The following TRMT9B variants were observed in gnomAD, a reference collection of about 807,000 sequenced individuals.
TRMT9B encodes the protein tRNA methyltransferase 9B (putative), also known as probable tRNA methyltransferase 9B.
A neutral mutation model predicts 11.5 loss-of-function variants in TRMT9B; 16 were observed. The ratio of observed to expected loss-of-function variants is 1.39; its 90% confidence interval spans 0.94 to 2.11. The LOEUF is 2.11. Among genes scored for constraint, TRMT9B ranks in the 30% most tolerant of loss-of-function variants. TRMT9B has a pLI of 0.00. For synonymous variants in TRMT9B, 274 were observed against 192.4 expected, an observed-to-expected ratio of 1.42 and a Z score of -3.51; for missense variants, 941 against 553.8, an observed-to-expected ratio of 1.70 and a Z score of -7.02.
intron 3 of TRMT9B, chr8:13,010,730 T>C (rs1811428914): frequency 3.0e-6 from 3 of 984,538 alleles, no homozygotes; most frequent in Non-Finnish European, 3.6e-6. Context: ...TCTCCTAAAG[T>C]ATCCCTCGAG....
At chr8:12,987,241 G>A (rs1434193024) in intron 1 of TRMT9B, among the ~76,000 whole-genome samples, 1 of 152,180 alleles carries the variant, frequency 6.6e-6, no homozygotes, top group Non-Finnish European at 1.5e-5. Flanking sequence ...GGGAGAACTA[G>A]TAGTTCCTAT....
intron 2 of TRMT9B, 75 bp downstream of exon 2, chr8:12,991,106 A>G (rs1807256386): frequency 1.7e-6 from 1 of 601,706 alleles, no homozygotes. Context: ...TAGTGAACCT[A>G]ATTCTTCCCA....
chr8:13,019,443 C>T (rs1489663291), intron 4 of TRMT9B, among the ~76,000 whole-genome samples: 2 of 152,152 alleles, frequency 1.3e-5, no homozygotes, highest in South Asian at 2.1e-4. Flanking sequence ...AGGCACACAC[C>T]AATGCACCCA....
intron 2 of TRMT9B, 110 bp from the exon 3 acceptor site, chr8:13,006,092 C>T (rs1810402123): frequency 2.1e-6 from 2 of 969,840 alleles, no homozygotes; most frequent in East Asian, 2.6e-5. Context: ...GTGCAAACAG[C>T]ATGAGTTTGC....
intron 1 of TRMT9B, among the ~76,000 whole-genome samples, chr8:12,972,728 C>T (rs182774232): frequency 3.3e-5 from 5 of 152,286 alleles, no homozygotes; most frequent in South Asian, 2.1e-4. Context: ...GTCCCAAATA[C>T]GCTAGGTGAC....
At chr8:12,993,014 C>T (rs1350152018) in intron 2 of TRMT9B, among the ~76,000 whole-genome samples, 1 of 152,266 alleles carries the variant, frequency 6.6e-6, no homozygotes, top group South Asian at 2.1e-4. Context: ...AGAGCATTGC[C>T]GGTGAGAGAG....
intron 3 of TRMT9B, chr8:13,012,349 G>T: frequency 2.3e-6 from 2 of 881,802 alleles, no homozygotes; most frequent in Non-Finnish European, 2.7e-6. Flanking sequence ...GGCCGAGGCA[G>T]GCGGATCACC....
At position 12,977,690 on chromosome 8, in the gene TRMT9B, ACT is replaced by A. The variant is rs770418048; in HGVS notation, c.-199-13141_-199-13140del. On this transcript the variant is annotated intron_variant, in intron 1 of 4. Coordinates refer to ENST00000524591, the MANE Select transcript of TRMT9B (RefSeq NM_020844.3). ...CATTCCAGCCTTGTGACAGAGCAAG[ACT>A]CTGTCTCAAAAACAAACAAACAAAC... Among the ~76,000 whole-genome samples, 9 of 151,904 alleles carry A rather than the reference ACT, an allele frequency of 5.9e-5. No homozygotes were observed. The East Asian group carries it at 1.2e-3, about 20-fold the overall frequency.
At chr8:12,950,998 C>G (rs2128855822) in intron 1 of TRMT9B, among the ~76,000 whole-genome samples, 1 of 152,210 alleles carries the variant, frequency 6.6e-6, no homozygotes, top group South Asian at 2.1e-4. Flanking sequence ...TGCATAGATC[C>G]CTGATGATAA....
intron 1 of TRMT9B, among the ~76,000 whole-genome samples, chr8:12,979,021 A>G (rs1158189992): frequency 6.6e-6 from 1 of 152,162 alleles, no homozygotes; most frequent in Admixed American, 6.6e-5. Context: ...TTTCTCTGGA[A>G]CATGCAGGAA....
chr8:12,952,637 T>C, intron 1 of TRMT9B: 1 of 975,996 alleles, frequency 1.0e-6, no homozygotes, highest in Non-Finnish European at 1.2e-6. Context: ...CTAAGATAAC[T>C]TGAAGCCAGA....
intron 1 of TRMT9B, among the ~76,000 whole-genome samples, chr8:12,959,646 A>G (rs1022908702): frequency 6.8e-6 from 1 of 147,772 alleles, no homozygotes; most frequent in Non-Finnish European, 1.5e-5. Flanking sequence ...CAGCCGCCCA[A>G]GTAGCCGGGG....
chr8:12,973,397 G>A (rs1214197600), intron 1 of TRMT9B, among the ~76,000 whole-genome samples: 2 of 152,210 alleles, frequency 1.3e-5, no homozygotes, highest in Non-Finnish European at 2.9e-5. Flanking sequence ...AGCTGGATAT[G>A]TGCCACTGCA....
Position 13,021,596 on chromosome 8 carries a change from G to C in TRMT9B, c.917G>C (p.Ser306Thr), listed in dbSNP as rs927184929. 5.6e-6 allele frequency: 9 copies of C among 1,613,906 alleles called. No homozygotes were observed. Among genetic ancestry groups the C allele is most frequent in the Non-Finnish European group, 7.6e-6 (9 of 1,179,856 alleles). ...HQEPFSTKGQ[S>T]LDEEVFVESS... ...GAGCCATTTTCAACAAAAGGGCAAA[G>C]TTTAGATGAGGAAGTGTTTGTGGAA... Residue 306 changes from serine to threonine, a missense_variant, in exon 5 of 5, where the codon AGT becomes ACT. Coordinates refer to ENST00000524591, the MANE Select transcript of TRMT9B (RefSeq NM_020844.3).
chr8:12,947,886 A>C (rs568810592), intron 1 of TRMT9B, among the ~76,000 whole-genome samples: 10 of 152,318 alleles, frequency 6.6e-5, no homozygotes, highest in South Asian at 4.1e-4. Context: ...ATAAGGAAGC[A>C]TTGGGGCTGC....
chr8:12,997,624 A>G (rs1808603223), intron 2 of TRMT9B, among the ~76,000 whole-genome samples: 1 of 152,142 alleles, frequency 6.6e-6, no homozygotes. Flanking sequence ...ACCACAATTT[A>G]TTTGATCATT....
chr8:13,014,119 G>T (rs758102410), intron 4 of TRMT9B, among the ~76,000 whole-genome samples: 1 of 152,242 alleles, frequency 6.6e-6, no homozygotes. Flanking sequence ...CTATTTCTTC[G>T]TATGCTGAGG....
rs755755518 is a variant in TRMT9B at position 13,012,750 on chromosome 8, G to A, written c.221G>A (p.Gly74Glu). The change falls in exon 4 of 5, where the codon GGG becomes GAG. Residue 74 changes from glycine to glutamate, a missense_variant. Coordinates refer to ENST00000524591, the MANE Select transcript of TRMT9B (RefSeq NM_020844.3). ...QVHTVGCDYC[G>E]PLVEIARNRG... is the part of the protein sequence containing the mutation. ...CATACCGTGGGCTGTGACTACTGTG[G>A]GCCACTGGTAGAGATTGCCCGGAAT... 6.2e-7 allele frequency: 1 copy of A among 1,613,956 alleles called. No individual in the cohort carries two copies. The highest frequency in any genetic ancestry group is 8.5e-7 in the Non-Finnish European group (1 of 1,179,886).
intron 1 of TRMT9B, among the ~76,000 whole-genome samples, chr8:12,958,164 T>C (rs1475186319): frequency 6.6e-6 from 1 of 152,210 alleles, no homozygotes; most frequent in Non-Finnish European, 1.5e-5. Context: ...TATATCAGAA[T>C]CTCCTTTCTT....
Sources: gnomAD v4.1 joint callset for allele counts (sites outside exome capture counted in the v4.1 genomes callset) on GRCh38, gnomAD v4.1.1 for gene constraint, MANE v1.5 for transcripts, NCBI Gene and HGNC (gene_info 2026-07-23, HGNC 2026-07-21) for gene names.